The following OSBPL8 variants were observed in gnomAD, a reference collection of about 807,000 sequenced individuals.
OSBPL8 encodes the protein oxysterol-binding protein-related protein 8.
Under a neutral mutation model 125.5 loss-of-function variants are expected in OSBPL8, and 59 were observed. That is an observed-to-expected ratio of 0.47 (90% CI 0.38 to 0.58). The LOEUF is 0.58. Ranked by LOEUF, OSBPL8 falls within the 20% of genes least tolerant of loss-of-function variation. The probability of loss-of-function intolerance (pLI) is 0.00; values close to 1 mark genes in which losing one functional copy is unlikely to be tolerated. For missense variants in OSBPL8, 758 were observed against 1,047.8 expected (o/e 0.72, Z 3.82); for synonymous variants, 330 against 338.9 (o/e 0.97, Z 0.29).
chr12:76,392,202 T>A (rs1418620229), intron 10 of OSBPL8, among the ~76,000 whole-genome samples: 2 of 152,210 alleles, frequency 1.3e-5, no homozygotes, highest in Non-Finnish European at 2.9e-5. Flanking sequence ...ACAGATTATG[T>A]CTCATAGTTA....
At chr12:76,422,255 T>C (rs1353269437) in intron 4 of OSBPL8, among the ~76,000 whole-genome samples, 1 of 152,128 alleles carries the variant, frequency 6.6e-6, no homozygotes, top group African/African-American at 2.4e-5. Flanking sequence ...AATATTTCTA[T>C]AATTAAAGCA....
chr12:76,532,469 C>CATGGCAA (rs976343008), intron 1 of OSBPL8, among the ~76,000 whole-genome samples: 1 of 152,134 alleles, frequency 6.6e-6, no homozygotes, highest in African/African-American at 2.4e-5. Flanking sequence ...GTATTAGGAT[C>CATGGCAA]ATGGCAAATC....
intron 4 of OSBPL8, among the ~76,000 whole-genome samples, chr12:76,431,270 G>C (rs1253740235): frequency 6.8e-6 from 1 of 147,902 alleles, no homozygotes; most frequent in Admixed American, 6.8e-5. Context: ...TAAAGAGAAA[G>C]GAAAGCACAC....
intron 2 of OSBPL8, among the ~76,000 whole-genome samples, chr12:76,469,000 C>T (rs908835274): frequency 6.6e-6 from 1 of 152,180 alleles, no homozygotes; most frequent in African/African-American, 2.4e-5. Context: ...AGGTCTAGCA[C>T]AATCTTACCT....
Position 76,354,925 on chromosome 12 carries a change from T to G in OSBPL8, c.*964A>C, listed in dbSNP as rs1951929668. On this transcript the variant is annotated 3_prime_UTR_variant, in exon 24 of 24. Coordinates refer to ENST00000261183, the MANE Select transcript of OSBPL8 (RefSeq NM_020841.5). ...CCTCTTTTTGGCTTTTGAAGTAAAA[T>G]ACTGGTTATATTTTTTTATATTCTA... 1.3e-5 allele frequency: 2 copies of G among 152,024 alleles called. No homozygotes were observed. Among genetic ancestry groups the G allele is most frequent in the African/African-American group, 4.8e-5 (2 of 41,448 alleles). 9.4% of individuals were successfully genotyped at this position (152,024 alleles called of 1,614,324 possible).
chr12:76,444,175 A>G (rs1312887955), intron 4 of OSBPL8, among the ~76,000 whole-genome samples: 2 of 152,212 alleles, frequency 1.3e-5, no homozygotes, highest in African/African-American at 4.8e-5. Context: ...GTCAATATAC[A>G]TAACAGAGAT....
chr12:76,399,734 AATAATAGTTTC>A (rs1396182033), intron 7 of OSBPL8, 128 bp downstream of exon 7: 2 of 574,100 alleles, frequency 3.5e-6, no homozygotes, highest in Non-Finnish European at 5.9e-6. Context: ...CCGGGAATAC[AATAATAGTTTC>A]TTTGCCAGTG....
At chr12:76,512,737 T>C (rs1034149807) in intron 1 of OSBPL8, among the ~76,000 whole-genome samples, 2 of 152,254 alleles carry the variant, frequency 1.3e-5, no homozygotes, top group African/African-American at 4.8e-5. Context: ...TGATAGTAGT[T>C]TGATAGCAAC....
At chr12:76,443,033 C>G (rs903055535) in intron 4 of OSBPL8, among the ~76,000 whole-genome samples, 2 of 152,094 alleles carry the variant, frequency 1.3e-5, no homozygotes, top group Non-Finnish European at 2.9e-5. Flanking sequence ...AGAGAACGTA[C>G]TAAGGGATAA....
intron 1 of OSBPL8, among the ~76,000 whole-genome samples, chr12:76,522,287 GTTC>G (rs964251008): frequency 2.0e-5 from 3 of 151,438 alleles, no homozygotes; most frequent in African/African-American, 7.3e-5. Flanking sequence ...GAGAAAAAAA[GTTC>G]TTCAATAAAA....
At chr12:76,387,122 C>G (rs1953347613) in intron 12 of OSBPL8, among the ~76,000 whole-genome samples, 1 of 152,068 alleles carries the variant, frequency 6.6e-6, no homozygotes, top group African/African-American at 2.4e-5. Flanking sequence ...ACTGAAGGAC[C>G]AATATTTACT....
At chr12:76,514,843 T>C (rs1881372549) in intron 1 of OSBPL8, among the ~76,000 whole-genome samples, 1 of 152,230 alleles carries the variant, frequency 6.6e-6, no homozygotes, top group Admixed American at 6.5e-5. Flanking sequence ...GAAGCTTTTG[T>C]TCATTCCTTT....
chr12:76,388,855 A>AT (rs1471899638), intron 12 of OSBPL8, among the ~76,000 whole-genome samples: 1 of 151,952 alleles, frequency 6.6e-6, no homozygotes, highest in Non-Finnish European at 1.5e-5. Context: ...GACTCAGCTT[A>AT]TTTTTTTCAA....
intron 6 of OSBPL8, among the ~76,000 whole-genome samples, chr12:76,401,017 G>T (rs1954031115): frequency 6.6e-6 from 1 of 151,936 alleles, no homozygotes. Flanking sequence ...TTGAACTCCT[G>T]GCCTCAAGTG....
chr12:76,526,758 C>T (rs1443637198), intron 1 of OSBPL8, among the ~76,000 whole-genome samples: 1 of 145,980 alleles, frequency 6.9e-6, no homozygotes, highest in Non-Finnish European at 1.5e-5. Flanking sequence ...TCCAGCAACT[C>T]TCCTGTCTCA....
chr12:76,478,246 C>A (rs1473103165), intron 2 of OSBPL8, among the ~76,000 whole-genome samples: 1 of 151,942 alleles, frequency 6.6e-6, no homozygotes, highest in African/African-American at 2.4e-5. Context: ...GCCACCAGAG[C>A]AATGACATCA....
intron 1 of OSBPL8, among the ~76,000 whole-genome samples, chr12:76,558,083 C>A (rs1388902307): frequency 2.0e-5 from 3 of 151,912 alleles, no homozygotes; most frequent in African/African-American, 7.3e-5. Flanking sequence ...CTTTCTCAGC[C>A]CTTTGAGCAG....
intron 1 of OSBPL8, among the ~76,000 whole-genome samples, chr12:76,551,755 C>A (rs997758548): frequency 1.3e-5 from 2 of 152,138 alleles, no homozygotes; most frequent in Non-Finnish European, 2.9e-5. Context: ...CTTGGCCCCA[C>A]CCACCTCAGC....
chr12:76,378,699 C>T (rs1952922339), intron 15 of OSBPL8, 149 bp from the exon 16 acceptor site: 1 of 595,682 alleles, frequency 1.7e-6, no homozygotes, highest in South Asian at 2.1e-5. Flanking sequence ...GTATTCATTA[C>T]CTTATATCCA....
Sources: allele counts gnomAD v4.1 joint callset (sites outside exome capture counted in the v4.1 genomes callset), GRCh38; gene constraint gnomAD v4.1.1; transcripts MANE v1.5; gene names NCBI Gene and HGNC (gene_info 2026-07-23, HGNC 2026-07-21).